ANKRD52: variants seen among roughly 807,000 people sequenced by gnomAD.
ANKRD52 encodes ankyrin repeat domain 52.
In ANKRD52, 7 loss-of-function variants were observed where a neutral mutation model predicts 116.0. That is an observed-to-expected ratio of 0.06 (90% confidence interval 0.03 to 0.11). ANKRD52 has a LOEUF of 0.11. Ranked by LOEUF, ANKRD52 falls within the 10% of genes least tolerant of loss-of-function variation. The probability of loss-of-function intolerance (pLI) is 1.00; values close to 1 mark genes in which losing one functional copy is unlikely to be tolerated. For synonymous variants in ANKRD52, 528 were observed against 578.1 expected, an observed-to-expected ratio of 0.91 and a Z score of 1.24; for missense variants, 839 against 1,408.6, an observed-to-expected ratio of 0.60 and a Z score of 6.47.
intron 15 of ANKRD52, among the ~76,000 whole-genome samples, chr12:56,250,541 G>A (rs1009394713): frequency 6.6e-5 from 10 of 151,150 alleles, no homozygotes; most frequent in Middle Eastern, 3.2e-3. Context: ...ATGTGCCACC[G>A]TGCCCAGCAA....
In ANKRD52 at chr12:56,255,107, A is replaced by C. The variant is rs892857683; in HGVS notation, c.463-155T>G. ...GAGGACTCGAGGGAACAGCAGAAGC[A>C]GGCACTAAGGAGGAGATACTGGAGA... is the stretch of plus-strand genomic sequence containing the variant. On this transcript the variant is annotated intron_variant, in intron 5 of 27. Coordinates refer to ENST00000267116, the MANE Select transcript of ANKRD52 (RefSeq NM_173595.4). The surrounding 1 kb of genome is among the most constrained non-coding windows in gnomAD (Gnocchi z 4.3). 1.6e-6 allele frequency: 1 copy of C among 623,900 alleles called. No homozygotes were observed. The highest frequency in any genetic ancestry group is 1.8e-5 in the African/African-American group (1 of 54,670). The allele number at this position is 623,900 out of a possible 1,614,324, so 38.6% of individuals were successfully genotyped here.
At position 56,248,949 on chromosome 12, in the gene ANKRD52, G is replaced by C. The variant is rs1871556232; in HGVS notation, c.1593-79C>G. ...ACAGTTCTGGGAGGGCCAGAGGAGA[G>C]GACCAAGGCCCTCCAGGCCTACCTG... On this transcript the variant is annotated intron_variant, in intron 15 of 27. Coordinates refer to ENST00000267116, the MANE Select transcript of ANKRD52 (RefSeq NM_173595.4). This position sits in a 1 kb window ranked among gnomAD's most constrained non-coding sequence, Gnocchi z 5.1. The C allele has an allele frequency of 9.5e-7, 1 of 1,048,018 alleles. No individual in the cohort carries two copies. The highest frequency in any genetic ancestry group is 1.6e-5 in the African/African-American group (1 of 61,956). The allele number at this position is 1,048,018 out of a possible 1,614,324, so 64.9% of individuals were successfully genotyped here. A position where few individuals can be genotyped will look rare whatever the true frequency, so the allele number is the denominator to read the frequency against.
rs1172802885 is a variant in ANKRD52 at position 56,241,600 on chromosome 12, G to C, written c.*1542C>G. ...TTCTCAGGGGACAATACTGATGGCA[G>C]CCAAACTGGGCAAGGATGCAGTGTG... On this transcript the variant is annotated 3_prime_UTR_variant, in exon 28 of 28. Transcript: ENST00000267116. 5.5e-6 allele frequency: 1 copy of C among 181,032 alleles called. No homozygotes were observed. Among genetic ancestry groups the C allele is most frequent in the Non-Finnish European group, 1.1e-5 (1 of 87,698 alleles). The allele number at this position is 181,032 out of a possible 1,614,324, so 11.2% of individuals were successfully genotyped here.
Position 56,257,067 on chromosome 12 carries a change from T to A in ANKRD52, c.209A>T (p.Lys70Met), listed in dbSNP as rs1355908726. Residue 70 changes from lysine (K) to methionine (M), a missense_variant, in exon 4 of 28, where the codon AAG (lysine) becomes ATG (methionine). Coordinates refer to ENST00000267116, the MANE Select transcript of ANKRD52 (RefSeq NM_173595.4). ...LLMSGANVNA[K>M]DTLWLTPLHR... The stretch of plus-strand genomic sequence containing the variant: ...AAGAGGGGTCAGCCACAGTGTGTCC[T>A]TAGCATTGACATTAGCACCTGTGGG... 5 of 1,613,336 alleles carry A rather than the reference T, an allele frequency of 3.1e-6. No homozygotes were observed. The African/African-American group carries it at 6.7e-5, about 22-fold the overall frequency.
chr12:56,256,055 T>G, intron 4 of ANKRD52, 71 bp from the exon 5 acceptor site: 9 of 1,420,462 alleles, frequency 6.3e-6, no homozygotes, highest in Non-Finnish European at 8.7e-6. Flanking sequence ...GAAGGAGGAA[T>G]AGGTCAGCAT....
chr12:56,244,745 G>A lies in ANKRD52; in HGVS notation c.2629C>T (p.Leu877=). The part of the protein sequence containing the change: ...FADNVSGLRM[L]LQHQAEVNAT... ...TTCACCTCAGCTTGATGCTGCAGCA[G>A]CATCCGGAGCCCAGAGACATTGTCC... The change falls in exon 24 of 28, where the codon CTG becomes TTG. Residue 877 remains leucine (L), a synonymous_variant. Transcript: ENST00000267116. The surrounding 1 kb of genome is among the most constrained non-coding windows in gnomAD (Gnocchi z 4.9). 1 of 1,613,826 alleles carries A rather than the reference G, an allele frequency of 6.2e-7. No homozygotes were observed. The highest frequency in any genetic ancestry group is 8.5e-7 in the Non-Finnish European group (1 of 1,179,892).
intron 18 of ANKRD52, 37 bp downstream of exon 18, chr12:56,247,985 TG>T: frequency 1.3e-6 from 2 of 1,549,524 alleles, no homozygotes; most frequent in Non-Finnish European, 1.7e-6. Flanking sequence ...GGATCTGGCA[TG>T]GCAAGGGTAG....
At chr12:56,246,965 A>G (rs1387479698) in intron 20 of ANKRD52, among the ~76,000 whole-genome samples, 2 of 144,182 alleles carry the variant, frequency 1.4e-5, no homozygotes, top group Non-Finnish European at 3.1e-5. Context: ...TAATAATAAT[A>G]ATAATAATAA....
rs1871555609 is a variant in ANKRD52 at position 56,248,935 on chromosome 12, A to C, written c.1593-65T>G. 4 of 1,235,610 alleles carry C rather than the reference A, an allele frequency of 3.2e-6. No homozygotes were observed. The highest frequency in any genetic ancestry group is 4.5e-6 in the Non-Finnish European group (4 of 892,246). 76.5% of individuals were successfully genotyped at this position (1,235,610 alleles called of 1,614,324 possible). A position where few individuals can be genotyped will look rare whatever the true frequency, so the allele number is the denominator to read the frequency against. On this transcript the variant is annotated intron_variant, in intron 15 of 27. Transcript: ENST00000267116. This position sits in a 1 kb window ranked among gnomAD's most constrained non-coding sequence, Gnocchi z 5.1. ...CAGCCCAGGAGGGCACAGTTCTGGG[A>C]GGGCCAGAGGAGAGGACCAAGGCCC...
At position 56,252,286 on chromosome 12, in the gene ANKRD52, C is replaced by G. The variant is rs1389449555; in HGVS notation, c.1400G>C (p.Gly467Ala). ...RTPLHYAAAN[G>A]SYQCAVTLVT... ...CAATGTTACTGCACACTGGTAGCTA[C>G]CGTTAGCAGCTGCATAGTGCAGTGG... The change falls in exon 14 of 28, where the codon GGT (glycine) becomes GCT (alanine). Residue 467 changes from glycine (G) to alanine (A), a missense_variant. Transcript: ENST00000267116. The surrounding 1 kb of genome is among the most constrained non-coding windows in gnomAD (Gnocchi z 4.7). 6.2e-7 allele frequency: 1 copy of G among 1,613,872 alleles called. No individual in the cohort carries two copies. Among genetic ancestry groups the G allele is most frequent in the Non-Finnish European group, 8.5e-7 (1 of 1,179,888 alleles).
Position 56,242,317 on chromosome 12 carries a change from G to A in ANKRD52, c.*825C>T, listed in dbSNP as rs1019142237. ...CAAGCCTCAAAGTTCAAGGGAAGGAGAGCCAGGGCAGGAATGACCACAGGC... is the reference window on the plus strand; with the variant it reads ...CAAGCCTCAAAGTTCAAGGGAAGGAAAGCCAGGGCAGGAATGACCACAGGC... On this transcript the variant is annotated 3_prime_UTR_variant, in exon 28 of 28. Transcript: ENST00000267116. This position sits in a 1 kb window ranked among gnomAD's most constrained non-coding sequence, Gnocchi z 4.3. 2 of 396,828 alleles carry A rather than the reference G, an allele frequency of 5.0e-6. No individual in the cohort carries two copies. The highest frequency in any genetic ancestry group is 4.4e-6 in the Non-Finnish European group (1 of 225,496). 24.6% of individuals were successfully genotyped at this position (396,828 alleles called of 1,614,324 possible).
chr12:56,244,856 A>G lies in ANKRD52; in HGVS notation c.2576+50T>C, dbSNP rs751626860. On this transcript the variant is annotated intron_variant, in intron 23 of 27. Coordinates refer to ENST00000267116, the MANE Select transcript of ANKRD52 (RefSeq NM_173595.4). This position sits in a 1 kb window ranked among gnomAD's most constrained non-coding sequence, Gnocchi z 4.9. ...GGAAGAGTATACTGCCCAAGCAGAA[A>G]GGGGAAGCCAGAGGCAACTGGGATT... 6.2e-7 allele frequency: 1 copy of G among 1,613,732 alleles called. No homozygotes were observed. Among genetic ancestry groups the G allele is most frequent in the East Asian group, 2.2e-5 (1 of 44,886 alleles).
chr12:56,255,511 C>A lies in ANKRD52; in HGVS notation c.462+273G>T, dbSNP rs968761268. Among the ~76,000 whole-genome samples the A allele has an allele frequency of 6.6e-6, 1 of 152,226 alleles. No homozygotes were observed. Among genetic ancestry groups the A allele is most frequent in the African/African-American group, 2.4e-5 (1 of 41,456 alleles). On this transcript the variant is annotated intron_variant, in intron 5 of 27. Transcript: ENST00000267116. This position sits in a 1 kb window ranked among gnomAD's most constrained non-coding sequence, Gnocchi z 4.3. ...GGCCGGTTCTTAAACTCTTGTAAGT[C>A]TTTGCAAATGTGCTGAAAGACATGG...
chr12:56,251,785 T>C (rs1449227730), intron 15 of ANKRD52, among the ~76,000 whole-genome samples: 1 of 149,958 alleles, frequency 6.7e-6, no homozygotes, highest in East Asian at 2.0e-4. Context: ...GAAGGAACTA[T>C]GTCTCATACT....
At chr12:56,247,346 CAAAAAAAAAAAAA>C in intron 20 of ANKRD52, 134 bp downstream of exon 20, 1 of 486,968 alleles carries the variant, frequency 2.1e-6, no homozygotes, top group Non-Finnish European at 3.3e-6. Context: ...GACCCTGTCT[CAAAAAAAAAAAAA>C]AAAAAGAAAA....
At chr12:56,251,925 G>A (rs1196975752) in intron 15 of ANKRD52, 90 bp downstream of exon 15, 2 of 1,403,066 alleles carry the variant, frequency 1.4e-6, no homozygotes, top group Non-Finnish European at 2.0e-6. Flanking sequence ...GCAGTATAGG[G>A]TAGAGGTTCA....
chr12:56,246,028 CAAT>C (rs1871384261), intron 20 of ANKRD52, among the ~76,000 whole-genome samples: 1 of 150,260 alleles, frequency 6.7e-6, no homozygotes, highest in Non-Finnish European at 1.5e-5. Context: ...GTCTTTACAA[CAAT>C]AATTCTTTCT....
chr12:56,257,814 T>G lies in ANKRD52; in HGVS notation c.111+14A>C. 1.9e-6 allele frequency: 3 copies of G among 1,613,066 alleles called. No individual in the cohort carries two copies. The highest frequency in any genetic ancestry group is 2.2e-5 in the East Asian group (1 of 44,854). ...AGGATTCCGGTCTCGCCATCCTCCC[T>G]GCTCCCAACTCACCAGCACATTGAT... On this transcript the variant is annotated intron_variant, in intron 2 of 27. Transcript: ENST00000267116.
Position 56,255,020 on chromosome 12 carries a change from G to A in ANKRD52, c.463-68C>T. 1 of 1,521,412 alleles carries A rather than the reference G, an allele frequency of 6.6e-7. No homozygotes were observed. Among genetic ancestry groups the A allele is most frequent in the Non-Finnish European group, 9.1e-7 (1 of 1,101,210 alleles). 94.2% of individuals were successfully genotyped at this position (1,521,412 alleles called of 1,614,324 possible). A position where few individuals can be genotyped will look rare whatever the true frequency, so the allele number is the denominator to read the frequency against. On this transcript the variant is annotated intron_variant, in intron 5 of 27. Transcript: ENST00000267116. This position sits in a 1 kb window ranked among gnomAD's most constrained non-coding sequence, Gnocchi z 4.3. ...TGCCCTCAACCTACCTAAGAGCAGA[G>A]GCCTCATCTCCTGAAAAGGCTGAGG...
Sources: allele counts gnomAD v4.1 joint callset (sites outside exome capture counted in the v4.1 genomes callset), GRCh38; gene constraint gnomAD v4.1.1; non-coding constraint Gnocchi (gnomAD v3.1); transcripts MANE v1.5; gene names NCBI Gene and HGNC (gene_info 2026-07-23, HGNC 2026-07-21).